The following OSBPL6 variants were observed in gnomAD, a reference collection of about 807,000 sequenced individuals.
OSBPL6 encodes oxysterol-binding protein-related protein 6.
OSBPL6 carries 49 observed loss-of-function variants against 125.8 expected under a neutral mutation model. That is an observed-to-expected ratio of 0.39 (90% CI 0.31 to 0.49). The LOEUF (loss-of-function observed/expected upper bound fraction) is 0.49, where lower values mean the gene tolerates loss of function less well. OSBPL6 is among the 20% of genes least tolerant of loss of function. The pLI, the probability that OSBPL6 is intolerant of heterozygous loss-of-function variation, is 0.88. For missense variants in OSBPL6, 986 were observed against 1,135.4 expected (o/e 0.87, Z 1.89); for synonymous variants, 394 against 391.8 (o/e 1.01, Z -0.07).
At chr2:178,286,195 CAGAT>C (rs1294996774) in intron 2 of OSBPL6, among the ~76,000 whole-genome samples, 1 of 152,150 alleles carries the variant, frequency 6.6e-6, no homozygotes, top group Non-Finnish European at 1.5e-5. Context: ...ACATAAAAAT[CAGAT>C]AGATCAGATA....
intron 1 of OSBPL6, among the ~76,000 whole-genome samples, chr2:178,225,866 A>G (rs1386922733): frequency 1.3e-5 from 2 of 152,138 alleles, no homozygotes; most frequent in Non-Finnish European, 2.9e-5. Context: ...CCCACAACAC[A>G]TGGGAATTAT....
rs931708386 is a variant in OSBPL6 at position 178,397,405 on chromosome 2, G to A, written c.*1846G>A. 6.6e-6 allele frequency: 1 copy of A among 152,058 alleles called. No homozygotes were observed. Among genetic ancestry groups the A allele is most frequent in the African/African-American group, 2.4e-5 (1 of 41,372 alleles). The allele number at this position is 152,058 out of a possible 1,614,324, so 9.4% of individuals were successfully genotyped here. On this transcript the variant is annotated 3_prime_UTR_variant, in exon 25 of 25. Coordinates refer to ENST00000190611, the MANE Select transcript of OSBPL6 (RefSeq NM_032523.4). The stretch of plus-strand genomic sequence containing the variant: ...TAAATCCATAGGTGGCTTGCCCTGC[G>A]GCAGTAAAATCTTCCCCTTGATATT...
At chr2:178,296,242 C>T (rs1452699935) in intron 2 of OSBPL6, among the ~76,000 whole-genome samples, 1 of 152,142 alleles carries the variant, frequency 6.6e-6, no homozygotes, top group Non-Finnish European at 1.5e-5. Context: ...ACGTTGATCC[C>T]AATGGTACCC....
Position 178,361,736 on chromosome 2 carries a change from T to C in OSBPL6, c.1208T>C (p.Leu403Pro), listed in dbSNP as rs1408427761. 1 of 1,614,162 alleles carries C rather than the reference T, an allele frequency of 6.2e-7. No homozygotes were observed. The highest frequency in any genetic ancestry group is 1.7e-5 in the Admixed American group (1 of 60,026). Residue 403 changes from leucine to proline, a missense_variant, in exon 13 of 25, where the codon CTG becomes CCG. By Grantham distance (98) the Leu-to-Pro change is moderately conservative. Coordinates refer to ENST00000190611, the MANE Select transcript of OSBPL6 (RefSeq NM_032523.4). ...AGCATAGCTATAGAGAAGGAGAAGC[T>C]GAAGCAGATGGTTTCCGAGCAGGAT... The part of the protein sequence containing the change: ...FNSIAIEKEK[L>P]KQMVSEQDHS...
intron 1 of OSBPL6, among the ~76,000 whole-genome samples, chr2:178,265,191 CTTTTTTTTTTTTTTTTTTTTTT>C (rs376718500): frequency 1.1e-3 from 38 of 33,732 alleles, no homozygotes; most frequent in Admixed American, 2.8e-3. Context: ...CCAGACGAGA[CTTTTTTTTTTTTTTTTTTTTTT>C]TTTTTTTTTT....
At chr2:178,210,636 C>G (rs1400833185) in intron 1 of OSBPL6, among the ~76,000 whole-genome samples, 1 of 151,886 alleles carries the variant, frequency 6.6e-6, no homozygotes, top group Non-Finnish European at 1.5e-5. Context: ...CATGGTGAAA[C>G]CCCGCTTCTA....
chr2:178,275,811 A>G (rs2092458065), intron 1 of OSBPL6, among the ~76,000 whole-genome samples: 1 of 152,056 alleles, frequency 6.6e-6, no homozygotes, highest in East Asian at 1.9e-4. Context: ...GCAGCAGAAC[A>G]TTTGAGCACT....
chr2:178,292,135 G>A (rs755457311), intron 2 of OSBPL6, among the ~76,000 whole-genome samples: 1 of 150,412 alleles, frequency 6.6e-6, no homozygotes, highest in Non-Finnish European at 1.5e-5. Context: ...TTTTTTCCCC[G>A]AAACTCAATG....
At chr2:178,384,269 G>A in intron 18 of OSBPL6, 93 bp downstream of exon 18, 2 of 1,459,236 alleles carry the variant, frequency 1.4e-6, no homozygotes, top group Admixed American at 3.7e-5. Flanking sequence ...GTTGGGATGG[G>A]TTATGATACC....
At chr2:178,338,950 TA>T (rs772331409) in intron 9 of OSBPL6, 40 bp from the exon 10 acceptor site, 1 of 1,453,090 alleles carries the variant, frequency 6.9e-7, no homozygotes, top group Non-Finnish European at 9.6e-7. Context: ...CACCGCTCCC[TA>T]CCCAATTTTA....
At chr2:178,375,720 A>ACC (rs568184149) in intron 15 of OSBPL6, among the ~76,000 whole-genome samples, 1 of 151,522 alleles carries the variant, frequency 6.6e-6, no homozygotes, top group African/African-American at 2.4e-5. Flanking sequence ...ACTGCGCCCG[A>ACC]CCCCTTCATC....
chr2:178,365,815 A>G (rs1420931180), intron 13 of OSBPL6, among the ~76,000 whole-genome samples: 1 of 152,220 alleles, frequency 6.6e-6, no homozygotes, highest in Non-Finnish European at 1.5e-5. Context: ...CCAAGCCTAT[A>G]GACAGGACAT....
chr2:178,231,673 G>T (rs1452632435), intron 1 of OSBPL6, among the ~76,000 whole-genome samples: 3 of 126,570 alleles, frequency 2.4e-5, no homozygotes, highest in South Asian at 2.5e-4. Context: ...TTGAGACAGG[G>T]TCTTGCTCTG....
intron 2 of OSBPL6, among the ~76,000 whole-genome samples, chr2:178,303,266 A>G (rs1686455868): frequency 6.6e-6 from 1 of 152,198 alleles, no homozygotes; most frequent in South Asian, 2.1e-4. Context: ...AAAGTCTCCC[A>G]GTTTGGAGGG....
In OSBPL6 at chr2:178,336,427, G is replaced by T. The variant is rs767402484; in HGVS notation, c.784G>T (p.Ala262Ser). ...GGACTCGGAAGAGATGGACAGGTGT[G>T]CAGAAGGTTAGTTCTTGCCCAGTGT... ...LQDSEEMDRC[A>S]EDLAHCQSNL... The change falls in exon 9 of 25, where the codon GCA becomes TCA. Residue 262 changes from alanine to serine, a missense_variant. Physicochemically the swap from Ala to Ser is moderately conservative, Grantham distance 99. Around this residue, in one of 3 missense-constraint regions of OSBPL6, gnomAD observed 843 missense variants for 997.3 expected, o/e 0.85. Coordinates refer to ENST00000190611, the MANE Select transcript of OSBPL6 (RefSeq NM_032523.4). 5 of 1,613,794 alleles carry T rather than the reference G, an allele frequency of 3.1e-6. No homozygotes were observed. The highest frequency in any genetic ancestry group is 3.3e-4 in the Middle Eastern group (2 of 6,078).
intron 1 of OSBPL6, among the ~76,000 whole-genome samples, chr2:178,270,097 G>C (rs576652175): frequency 6.6e-6 from 1 of 152,312 alleles, no homozygotes; most frequent in South Asian, 2.1e-4. Context: ...TGGTAGTAAA[G>C]AGGGAGCCTG....
intron 1 of OSBPL6, among the ~76,000 whole-genome samples, chr2:178,260,923 A>G (rs144768882): frequency 2.6e-3 from 400 of 152,164 alleles, no homozygotes; most frequent in Non-Finnish European, 4.5e-3. Context: ...AGGCAGGCAG[A>G]TCACCTGAGT....
chr2:178,281,645 T>C (rs1684183620), intron 1 of OSBPL6, among the ~76,000 whole-genome samples: 1 of 152,290 alleles, frequency 6.6e-6, no homozygotes, highest in South Asian at 2.1e-4. Flanking sequence ...TCATGTCCTT[T>C]GCAGGGACAT....
chr2:178,225,833 C>T (rs865858762), intron 1 of OSBPL6, among the ~76,000 whole-genome samples: 1 of 152,192 alleles, frequency 6.6e-6, no homozygotes, highest in South Asian at 2.1e-4. Context: ...CTTCATGATT[C>T]AGTCATCTCC....
Sources: gnomAD v4.1 joint callset for allele counts (sites outside exome capture counted in the v4.1 genomes callset) on GRCh38, gnomAD v4.1.1 for gene constraint, gnomAD v4.1.1 regional missense constraint, MANE v1.5 for transcripts, NCBI Gene and HGNC (gene_info 2026-07-23, HGNC 2026-07-21) for gene names.